UGT1A8: variants seen among roughly 807,000 people sequenced by gnomAD.
The protein encoded by UGT1A8 is UDP glucuronosyltransferase family 1 member A8, also known as UDP-glucuronosyltransferase 1A8.
UGT1A8 carries 39 observed loss-of-function variants against 45.3 expected under a neutral mutation model. The observed-to-expected ratio is 0.86, with a 90% CI of 0.67 to 1.12. The LOEUF (loss-of-function observed/expected upper bound fraction) is 1.12. Ranked by LOEUF, UGT1A8 falls within the 50% of genes most tolerant of loss-of-function variation. UGT1A8 has a pLI of 0.00. For missense variants in UGT1A8, 719 were observed against 664.9 expected (o/e 1.08, Z -0.90); for synonymous variants, 275 against 249.2 (o/e 1.10, Z -0.97).
chr2:233,767,299 C>A (rs1479626764), intron 2 of UGT1A8, 134 bp downstream of exon 2: 17 of 1,540,620 alleles, frequency 1.1e-5, no homozygotes, highest in Non-Finnish European at 1.3e-5. Flanking sequence ...AACTATTAAT[C>A]CAAAGGTTTT....
At chr2:233,650,216 T>C (rs2073705737) in intron 1 of UGT1A8, among the ~76,000 whole-genome samples, 3 of 152,126 alleles carry the variant, frequency 2.0e-5, no homozygotes, top group African/African-American at 7.2e-5. Context: ...GTGATCTGCC[T>C]GCCTCGGCCT....
intron 1 of UGT1A8, chr2:233,721,813 G>C: frequency 1.9e-6 from 1 of 515,244 alleles, no homozygotes; most frequent in South Asian, 1.4e-5. Context: ...CAAAAATCCA[G>C]CACCCTATTT....
In UGT1A8 at chr2:233,656,923, CT is replaced by C. The variant is rs961609429; in HGVS notation, c.855+38373del. On this transcript the variant is annotated intron_variant, in intron 1 of 4. Coordinates refer to ENST00000373450, the MANE Select transcript of UGT1A8 (RefSeq NM_019076.5). Reference sequence around the variant, plus strand: ...TGTGGCATCTCCCTTAGTTAAACATCTTTTTTTTTTTTCCTTTCCTGTGAGT... The same window carrying C: ...TGTGGCATCTCCCTTAGTTAAACATCTTTTTTTTTTTCCTTTCCTGTGAGT... Among the ~76,000 whole-genome samples the C allele has an allele frequency of 6.0e-3, 884 of 146,310 alleles. 4 individuals carry two copies. Among genetic ancestry groups the C allele is most frequent in the Middle Eastern group, 0.036 (10 of 278 alleles).
chr2:233,768,152 A>G, intron 3 of UGT1A8, 68 bp from the exon 4 acceptor site: 1 of 1,612,626 alleles, frequency 6.2e-7, no homozygotes, highest in Non-Finnish European at 8.5e-7. Flanking sequence ...TGTTTTCAGA[A>G]CCTAGATGTG....
intron 1 of UGT1A8, among the ~76,000 whole-genome samples, chr2:233,731,868 C>A (rs576370414): frequency 3.2e-4 from 49 of 152,324 alleles, no homozygotes; most frequent in African/African-American, 1.1e-3. Context: ...ACACTGTCTT[C>A]CACAATGGTT....
chr2:233,750,566 C>G (rs575907211), intron 1 of UGT1A8: 1 of 151,898 alleles, frequency 6.6e-6, no homozygotes, highest in Admixed American at 6.5e-5. Context: ...TGCAGCAGAC[C>G]CTCCCATCAC....
rs2077428129 is a variant in UGT1A8 at position 233,725,300 on chromosome 2, AGAGGCAGAGGCAGAGGCG to A, written c.856-41733_856-41716del. 1.1e-4 allele frequency among the ~76,000 whole-genome samples: 8 copies of A among 74,572 alleles called. 3 individuals carry two copies. The South Asian group carries it at 4.5e-3, about 42-fold the overall frequency. 48.9% of individuals were successfully genotyped at this position (74,572 alleles called of 152,430 possible). ...CAGAGGCAGAGGCAGAGGCAGAGGCAGAGGCAGAGGCAGAGGCGCCTGGTCAACAATCTTAAGTCCAAT... is the reference window on the plus strand; with the variant it reads ...CAGAGGCAGAGGCAGAGGCAGAGGCACCTGGTCAACAATCTTAAGTCCAAT... On this transcript the variant is annotated intron_variant, in intron 1 of 4. Transcript: ENST00000373450.
chr2:233,674,000 G>C (rs2074269911), intron 1 of UGT1A8, among the ~76,000 whole-genome samples: 1 of 152,176 alleles, frequency 6.6e-6, no homozygotes, highest in East Asian at 1.9e-4. Flanking sequence ...TGATTGAAAA[G>C]TCCATGACAA....
chr2:233,639,942 A>G (rs2073406995), intron 1 of UGT1A8, among the ~76,000 whole-genome samples: 2 of 152,220 alleles, frequency 1.3e-5, no homozygotes, highest in South Asian at 4.1e-4. Flanking sequence ...AGTCTCTTTG[A>G]ATTTTTGGTG....
Position 233,713,210 on chromosome 2 carries a change from C to A in UGT1A8, c.856-53824C>A, listed in dbSNP as rs17874940. On this transcript the variant is annotated intron_variant, in intron 1 of 4. Coordinates refer to ENST00000373450, the MANE Select transcript of UGT1A8 (RefSeq NM_019076.5). Reference sequence around the variant, plus strand: ...TGAATATGTACATCAAAGAAGAGAACTTTTTCACCCTGACAACGTATGCCA... The same window carrying A: ...TGAATATGTACATCAAAGAAGAGAAATTTTTCACCCTGACAACGTATGCCA... 29 of 1,614,238 alleles carry A rather than the reference C, an allele frequency of 1.8e-5. 1 individual carries two copies. Among genetic ancestry groups the A allele is most frequent in the Middle Eastern group, 3.3e-4 (2 of 6,062 alleles).
At chr2:233,748,084 G>T in intron 1 of UGT1A8, 7 of 1,613,070 alleles carry the variant, frequency 4.3e-6, no homozygotes, top group Non-Finnish European at 5.9e-6. Flanking sequence ...TCTCAGGTCG[G>T]TGTTCGTGCC....
At chr2:233,645,735 G>A (rs1318267843) in intron 1 of UGT1A8, among the ~76,000 whole-genome samples, 2 of 152,236 alleles carry the variant, frequency 1.3e-5, no homozygotes, top group Non-Finnish European at 2.9e-5. Context: ...CTCCACCCCT[G>A]TGGCTTTGCA....
At chr2:233,703,689 C>A (rs1367927278) in intron 1 of UGT1A8, among the ~76,000 whole-genome samples, 1 of 152,028 alleles carries the variant, frequency 6.6e-6, no homozygotes, top group Middle Eastern at 3.2e-3. Context: ...TTTTTTTCCA[C>A]CATTTAACTT....
chr2:233,757,560 A>ATATATATATATATATATATATGTG (rs904896556), intron 1 of UGT1A8, among the ~76,000 whole-genome samples: 3 of 123,154 alleles, frequency 2.4e-5, no homozygotes, highest in Admixed American at 7.8e-5. Context: ...ATATATATAT[A>ATATATATATATATATATATATGTG]TGTATATATG....
At chr2:233,650,462 C>G (rs1459298603) in intron 1 of UGT1A8, among the ~76,000 whole-genome samples, 2 of 152,208 alleles carry the variant, frequency 1.3e-5, no homozygotes, top group Non-Finnish European at 2.9e-5. Flanking sequence ...AATTGTCAGT[C>G]TTCTTCAGTT....
intron 1 of UGT1A8, among the ~76,000 whole-genome samples, chr2:233,689,249 A>G (rs2074933528): frequency 1.3e-5 from 2 of 152,208 alleles, no homozygotes; most frequent in Non-Finnish European, 1.5e-5. Context: ...TGAGTGATTC[A>G]GACTTGACTA....
At chr2:233,631,200 A>G (rs1490812802) in intron 1 of UGT1A8, among the ~76,000 whole-genome samples, 2 of 152,154 alleles carry the variant, frequency 1.3e-5, no homozygotes, top group Admixed American at 6.5e-5. Flanking sequence ...ATAGTATTCC[A>G]TGGTGTATAT....
In UGT1A8 at chr2:233,618,468, G is replaced by T; in HGVS notation, c.761G>T (p.Arg254Leu). The change falls in exon 1 of 5, where the codon CGA (arginine) becomes CTA (leucine). Residue 254 changes from arginine (R) to leucine (L), a missense_variant. Arg to Leu is a moderately radical substitution (Grantham distance 102). Transcript: ENST00000373450. ...AGCCACACATCAATTTGGTTGTTGC[G>T]AACAGACTTTGTTTTGGACTATCCC... Reference protein sequence around the residue: ...LYSHTSIWLLRTDFVLDYPKP... With the variant: ...LYSHTSIWLLLTDFVLDYPKP... The T allele has an allele frequency of 6.2e-7, 1 of 1,613,820 alleles. No individual in the cohort carries two copies. Among genetic ancestry groups the T allele is most frequent in the Non-Finnish European group, 8.5e-7 (1 of 1,179,804 alleles).
intron 1 of UGT1A8, among the ~76,000 whole-genome samples, chr2:233,620,114 A>G (rs1211117032): frequency 1.3e-5 from 2 of 152,330 alleles, no homozygotes; most frequent in East Asian, 3.9e-4. Context: ...TGTAACAGTC[A>G]TATCTGTCAT....
Sources: allele counts gnomAD v4.1 joint callset (sites outside exome capture counted in the v4.1 genomes callset), GRCh38; gene constraint gnomAD v4.1.1; transcripts MANE v1.5; gene names NCBI Gene and HGNC (gene_info 2026-07-23, HGNC 2026-07-21).